Variants in RNF152 observed in about 807,000 individuals in gnomAD.
RNF152 encodes ring finger protein 152.
A neutral mutation model predicts 12.7 loss-of-function variants in RNF152; 11 were observed. That is an observed-to-expected ratio of 0.86 (90% CI 0.54 to 1.43). RNF152 has a LOEUF of 1.43. Among genes scored for constraint, RNF152 ranks in the 40% most tolerant of loss-of-function variants. The pLI is 0.00. For missense variants in RNF152, 255 were observed against 274.8 expected (o/e 0.93, Z 0.51); for synonymous variants, 113 against 120.3 (o/e 0.94, Z 0.40).
At chr18:61,865,495 G>A (rs143373595) in intron 1 of RNF152, among the ~76,000 whole-genome samples, 1 of 152,272 alleles carries the variant, frequency 6.6e-6, no homozygotes, top group East Asian at 1.9e-4. Flanking sequence ...ACTAATCCAT[G>A]TGACAAACCT....
chr18:61,847,689 G>T (rs1910796919), intron 1 of RNF152, among the ~76,000 whole-genome samples: 1 of 152,106 alleles, frequency 6.6e-6, no homozygotes, highest in Non-Finnish European at 1.5e-5. Context: ...TCATTCCTCG[G>T]GTTTCTCATA....
intron 1 of RNF152, among the ~76,000 whole-genome samples, chr18:61,865,007 G>A (rs1301896415): frequency 1.3e-5 from 2 of 151,858 alleles, no homozygotes; most frequent in African/African-American, 4.8e-5. Flanking sequence ...GCAACAAGAG[G>A]GAAACTCCAT....
At chr18:61,866,807 C>T (rs964391463) in intron 1 of RNF152, among the ~76,000 whole-genome samples, 8 of 152,188 alleles carry the variant, frequency 5.3e-5, no homozygotes, top group African/African-American at 1.7e-4. Context: ...CTGTCCCCAC[C>T]GCTGAGCAGC....
At chr18:61,840,325 G>A (rs1910394873) in intron 1 of RNF152, among the ~76,000 whole-genome samples, 1 of 152,180 alleles carries the variant, frequency 6.6e-6, no homozygotes, top group Admixed American at 6.5e-5. Context: ...GGACCACAGT[G>A]TCCAAAGTCT....
chr18:61,889,176 C>T (rs755060084), intron 1 of RNF152, among the ~76,000 whole-genome samples: 5 of 152,098 alleles, frequency 3.3e-5, no homozygotes, highest in African/African-American at 4.8e-5. Context: ...TGAATGAAGC[C>T]GGGTGGTCTC....
chr18:61,857,155 T>C (rs1419007473), intron 1 of RNF152, among the ~76,000 whole-genome samples: 1 of 152,196 alleles, frequency 6.6e-6, no homozygotes, highest in Admixed American at 6.5e-5. Flanking sequence ...CTGACTTGCA[T>C]TATACGTCAG....
chr18:61,890,285 C>T (rs1346674054), intron 1 of RNF152: 1 of 152,238 alleles, frequency 6.6e-6, no homozygotes, highest in Non-Finnish European at 1.5e-5. Flanking sequence ...ATCCACTTCT[C>T]CCTTTTTCAG....
In RNF152 at chr18:61,864,056, T is replaced by C. The variant is rs147547933; in HGVS notation, c.-136+28739A>G. ...ACAATCTGTTTCTACCCATAGAACA[T>C]TTCTGACATCAAACACATGGGTGTC... On this transcript the variant is annotated intron_variant, in intron 1 of 1. Coordinates refer to ENST00000312828, the MANE Select transcript of RNF152 (RefSeq NM_173557.3). 1.1e-3 allele frequency among the ~76,000 whole-genome samples: 168 copies of C among 152,322 alleles called. 1 individual carries two copies. The highest frequency in any genetic ancestry group is 3.8e-3 in the African/African-American group (160 of 41,582).
intron 1 of RNF152, among the ~76,000 whole-genome samples, chr18:61,878,000 T>C (rs1171535619): frequency 6.6e-6 from 1 of 152,202 alleles, no homozygotes; most frequent in African/African-American, 2.4e-5. Context: ...AGGTTCTTTC[T>C]GCCATATCCT....
At chr18:61,821,912 A>G (rs1053717275) in intron 1 of RNF152, among the ~76,000 whole-genome samples, 3 of 152,192 alleles carry the variant, frequency 2.0e-5, no homozygotes, top group African/African-American at 7.2e-5. Context: ...GTCCCTACCC[A>G]TCCGTCCTGT....
At chr18:61,822,891 T>A (rs1411574775) in intron 1 of RNF152, among the ~76,000 whole-genome samples, 1 of 152,276 alleles carries the variant, frequency 6.6e-6, no homozygotes, top group Non-Finnish European at 1.5e-5. Context: ...ACAGGCCATC[T>A]ACTTAAATCT....
At chr18:61,837,196 T>C (rs1029054739) in intron 1 of RNF152, among the ~76,000 whole-genome samples, 1 of 152,106 alleles carries the variant, frequency 6.6e-6, no homozygotes, top group Admixed American at 6.6e-5. Context: ...TCCTCAAAAC[T>C]CTCAATGTCA....
intron 1 of RNF152, chr18:61,888,674 G>T (rs1195635209): frequency 6.6e-6 from 1 of 152,042 alleles, no homozygotes; most frequent in Non-Finnish European, 1.5e-5. Flanking sequence ...ACTTATGAGG[G>T]GTTTATGAGG....
At chr18:61,847,988 C>T (rs538584319) in intron 1 of RNF152, among the ~76,000 whole-genome samples, 2 of 152,290 alleles carry the variant, frequency 1.3e-5, no homozygotes, top group South Asian at 4.1e-4. Context: ...TTATTTTTCT[C>T]CAGATGCAGA....
intron 1 of RNF152, among the ~76,000 whole-genome samples, chr18:61,881,172 C>A (rs1216922319): frequency 6.6e-6 from 1 of 152,178 alleles, no homozygotes. Flanking sequence ...CCTCAGCCTC[C>A]CAAAGTGCTG....
intron 1 of RNF152, among the ~76,000 whole-genome samples, chr18:61,879,862 G>A (rs1016632946): frequency 2.6e-5 from 4 of 151,954 alleles, no homozygotes; most frequent in Non-Finnish European, 4.4e-5. Flanking sequence ...CTACTCAGGA[G>A]GCTGAGGCAG....
chr18:61,816,813 T>C (rs1485559639), intron 1 of RNF152, among the ~76,000 whole-genome samples: 1 of 152,184 alleles, frequency 6.6e-6, no homozygotes, highest in Non-Finnish European at 1.5e-5. Context: ...ACTTAGTTCA[T>C]TTCTAAAAAA....
intron 1 of RNF152, among the ~76,000 whole-genome samples, chr18:61,866,453 C>CT (rs1022523004): frequency 3.1e-3 from 6 of 1,942 alleles, no homozygotes; most frequent in African/African-American, 3.3e-3. Context: ...CATCCACACT[C>CT]TCGCCCGCGT....
Position 61,814,125 on chromosome 18 carries a change from T to C in RNF152, c.*1727A>G, listed in dbSNP as rs1465068506. ...TGAATTCTCATGCCAATTAGCAGTA[T>C]TAGCTTTGTATTCTAGCCATTATAT... On this transcript the variant is annotated 3_prime_UTR_variant, in exon 2 of 2. Transcript: ENST00000312828. The C allele has an allele frequency of 6.6e-6, 1 of 152,256 alleles. No homozygotes were observed. The highest frequency in any genetic ancestry group is 1.5e-5 in the Non-Finnish European group (1 of 68,046). 9.4% of individuals were successfully genotyped at this position (152,256 alleles called of 1,614,324 possible).
Sources: gnomAD v4.1 joint callset for allele counts (sites outside exome capture counted in the v4.1 genomes callset) on GRCh38, gnomAD v4.1.1 for gene constraint, MANE v1.5 for transcripts, NCBI Gene and HGNC (gene_info 2026-07-23, HGNC 2026-07-21) for gene names.